The following ANKS1B variants were observed in gnomAD, a reference collection of about 807,000 sequenced individuals.
ANKS1B encodes ankyrin repeat and sterile alpha motif domain-containing protein 1B.
A neutral mutation model predicts 148.3 loss-of-function variants in ANKS1B; 36 were observed. That is an observed-to-expected ratio of 0.24 (90% CI 0.19 to 0.32). The LOEUF (loss-of-function observed/expected upper bound fraction) is 0.32, where lower values mean the gene tolerates loss of function less well. ANKS1B is among the 10% of genes least tolerant of loss of function. ANKS1B has a pLI of 1.00. For missense variants in ANKS1B, 1,157 were observed against 1,542.6 expected, an observed-to-expected ratio of 0.75 and a Z score of 4.19; for synonymous variants, 542 against 560.8, an observed-to-expected ratio of 0.97 and a Z score of 0.47.
chr12:99,606,785 G>A (rs1247117101), intron 9 of ANKS1B, among the ~76,000 whole-genome samples: 1 of 151,986 alleles, frequency 6.6e-6, no homozygotes, highest in Non-Finnish European at 1.5e-5. Flanking sequence ...TAACAGTTAT[G>A]TTTAAATTGA....
intron 12 of ANKS1B, among the ~76,000 whole-genome samples, chr12:99,292,172 A>G (rs2080095488): frequency 6.6e-6 from 1 of 151,964 alleles, no homozygotes; most frequent in Admixed American, 6.6e-5. Context: ...TAATTAAACT[A>G]AAGAGCTTCT....
At chr12:99,054,401 A>T (rs1451978960) in intron 16 of ANKS1B, among the ~76,000 whole-genome samples, 2 of 152,222 alleles carry the variant, frequency 1.3e-5, no homozygotes, top group Non-Finnish European at 2.9e-5. Flanking sequence ...AATCTTAAAC[A>T]TGGTAAGCTT....
At chr12:99,273,700 C>T (rs527650734) in intron 12 of ANKS1B, among the ~76,000 whole-genome samples, 27 of 151,640 alleles carry the variant, frequency 1.8e-4, no homozygotes, top group East Asian at 9.7e-4. Flanking sequence ...CCTGAGCCTC[C>T]GGAGTAGCTG....
intron 22 of ANKS1B, among the ~76,000 whole-genome samples, 188 bp from the exon 23 acceptor site, chr12:98,782,325 C>A (rs958988515): frequency 1.3e-5 from 2 of 152,202 alleles, no homozygotes; most frequent in African/African-American, 4.8e-5. Flanking sequence ...AGAAATGCTG[C>A]AGGCTTTCAC....
At position 98,919,305 on chromosome 12, in the gene ANKS1B, T is replaced by C. The variant is rs530142493; in HGVS notation, c.2779-87169A>G. Among the ~76,000 whole-genome samples, 189 of 152,310 alleles carry C rather than the reference T, an allele frequency of 1.2e-3. 2 individuals carry two copies. The highest frequency in any genetic ancestry group is 4.4e-3 in the African/African-American group (184 of 41,564). The stretch of plus-strand genomic sequence containing the variant: ...CTGTTTCAGAAAAATCTAATCTGTG[T>C]TAATGTTTGTTCCCCAGCAGAATCA... On this transcript the variant is annotated intron_variant, in intron 17 of 26. Coordinates refer to ENST00000683438, the MANE Select transcript of ANKS1B (RefSeq NM_001352186.2).
At chr12:99,205,613 G>A (rs1395438903) in intron 14 of ANKS1B, among the ~76,000 whole-genome samples, 1 of 152,046 alleles carries the variant, frequency 6.6e-6, no homozygotes, top group Non-Finnish European at 1.5e-5. Flanking sequence ...GTTGGACTCC[G>A]GTCTTTTTGC....
At position 99,061,563 on chromosome 12, in the gene ANKS1B, G is replaced by A. The variant is rs571726236; in HGVS notation, c.2626-8254C>T. ...ACAGAACAACAAATAGAAGGTCCTC[G>A]GTCCTTCCACAATTGCATAGAGCAA... On this transcript the variant is annotated intron_variant, in intron 16 of 26. Transcript: ENST00000683438. Among the ~76,000 whole-genome samples the A allele has an allele frequency of 8.5e-5, 13 of 152,228 alleles. No individual in the cohort carries two copies. The East Asian group carries it at 2.3e-3, about 27-fold the overall frequency.
At chr12:98,818,672 T>A (rs1409989526) in intron 19 of ANKS1B, among the ~76,000 whole-genome samples, 8 of 152,234 alleles carry the variant, frequency 5.3e-5, no homozygotes, top group Non-Finnish European at 1.5e-5. Flanking sequence ...TATCATAACA[T>A]GAATGGCTGA....
intron 1 of ANKS1B, among the ~76,000 whole-genome samples, chr12:99,885,456 A>G (rs2092773651): frequency 6.6e-6 from 1 of 151,832 alleles, no homozygotes; most frequent in African/African-American, 2.4e-5. Flanking sequence ...ACCTGCTACC[A>G]TGCCCAGCTA....
At chr12:99,884,230 T>C (rs545371634) in intron 1 of ANKS1B, among the ~76,000 whole-genome samples, 186 of 152,200 alleles carry the variant, frequency 1.2e-3, no homozygotes, top group African/African-American at 4.1e-3. Context: ...ACACACCTAT[T>C]AGAATGGGGG....
chr12:99,293,470 G>A lies in ANKS1B; in HGVS notation c.1757-46606C>T, dbSNP rs376494752. 1.2e-4 allele frequency among the ~76,000 whole-genome samples: 19 copies of A among 152,136 alleles called. No homozygotes were observed. In the South Asian group the frequency reaches 3.7e-3, roughly 30 times the overall value. ...CCTATGTAGCAAACCTGCTCGTTGT[G>A]CACATGTACCCTAGAACTTAAAGCA... On this transcript the variant is annotated intron_variant, in intron 12 of 26. Coordinates refer to ENST00000683438, the MANE Select transcript of ANKS1B (RefSeq NM_001352186.2).
At chr12:99,346,815 G>C (rs1453357252) in intron 12 of ANKS1B, among the ~76,000 whole-genome samples, 1 of 151,854 alleles carries the variant, frequency 6.6e-6, no homozygotes, top group East Asian at 1.9e-4. Context: ...TCTTCCTCCT[G>C]CTCTGGCCCT....
chr12:99,791,347 C>T (rs1355245206), intron 4 of ANKS1B, among the ~76,000 whole-genome samples: 1 of 151,984 alleles, frequency 6.6e-6, no homozygotes, highest in Non-Finnish European at 1.5e-5. Flanking sequence ...CAACTCCCCA[C>T]TTTCAGCATT....
chr12:99,334,175 C>T (rs1015235956), intron 12 of ANKS1B, among the ~76,000 whole-genome samples: 7 of 134,220 alleles, frequency 5.2e-5, no homozygotes, highest in Admixed American at 7.2e-5. Context: ...GACAGACAGA[C>T]AGACAGATAG....
chr12:99,611,227 T>C (rs569426406), intron 9 of ANKS1B, among the ~76,000 whole-genome samples: 31 of 152,256 alleles, frequency 2.0e-4, no homozygotes, highest in African/African-American at 7.2e-4. Context: ...ATTTTACAGA[T>C]ATTTTTAAAA....
At position 99,486,687 on chromosome 12, in the gene ANKS1B, G is replaced by A. The variant is rs547126181; in HGVS notation, c.1438+17789C>T. 7.9e-5 allele frequency among the ~76,000 whole-genome samples: 12 copies of A among 152,192 alleles called. No individual in the cohort carries two copies. The South Asian group carries it at 2.1e-3, about 26-fold the overall frequency. On this transcript the variant is annotated intron_variant, in intron 10 of 26. Transcript: ENST00000683438. ...GATTTGCACTAAGGTCTTATCAAGGGGAAGAGTTGCAGTTACCTCAGCTCC... is the reference window on the plus strand; with the variant it reads ...GATTTGCACTAAGGTCTTATCAAGGAGAAGAGTTGCAGTTACCTCAGCTCC...
intron 15 of ANKS1B, among the ~76,000 whole-genome samples, chr12:99,134,253 T>TA (rs1343925181): frequency 2.6e-5 from 4 of 152,020 alleles, no homozygotes; most frequent in East Asian, 3.9e-4. Context: ...TAAAAAAAGC[T>TA]AAAAAAAGAA....
chr12:98,748,334 A>C (rs1244473885), intron 26 of ANKS1B, among the ~76,000 whole-genome samples: 1 of 152,178 alleles, frequency 6.6e-6, no homozygotes, highest in Non-Finnish European at 1.5e-5. Flanking sequence ...AAGCCTTGAG[A>C]CAAATCCTAA....
intron 17 of ANKS1B, among the ~76,000 whole-genome samples, chr12:99,050,533 T>C (rs1333722902): frequency 6.6e-6 from 1 of 152,220 alleles, no homozygotes; most frequent in Non-Finnish European, 1.5e-5. Flanking sequence ...ACAGATGGCA[T>C]GCTTCAGAGG....
Sources: gnomAD v4.1 joint callset for allele counts (sites outside exome capture counted in the v4.1 genomes callset) on GRCh38, gnomAD v4.1.1 for gene constraint, MANE v1.5 for transcripts, NCBI Gene and HGNC (gene_info 2026-07-23, HGNC 2026-07-21) for gene names.